Variants in DAP observed in about 807,000 individuals in gnomAD.
DAP encodes death-associated protein 1.
A neutral mutation model predicts 13.8 loss-of-function variants in DAP; 8 were observed. That is an observed-to-expected ratio of 0.58 (90% CI 0.34 to 1.05). The LOEUF is 1.05. Ranked by LOEUF, DAP falls within the 50% of genes least tolerant of loss-of-function variation. The probability of loss-of-function intolerance (pLI) is 0.03; values close to 1 mark genes in which losing one functional copy is unlikely to be tolerated. For synonymous variants in DAP, 47 were observed against 47.5 expected (o/e 0.99, Z 0.04); for missense variants, 106 against 133.2 (o/e 0.80, Z 1.01).
chr5:10,683,524 C>A lies in DAP; in HGVS notation c.195+5G>T, dbSNP rs775603395. On this transcript the variant is annotated splice_donor_5th_base_variant and intron_variant, in intron 3 of 3. Transcript: ENST00000230895. ...CAAACCCACCGCAGACACTCCCAGA[C>A]TTACCCGGGCGATGACCCCAGAGAT... The A allele has an allele frequency of 1.8e-5, 29 of 1,614,058 alleles. No individual in the cohort carries two copies. Among genetic ancestry groups the A allele is most frequent in the Non-Finnish European group, 2.4e-5 (28 of 1,179,986 alleles).
chr5:10,728,898 T>C (rs1022734498), intron 2 of DAP, among the ~76,000 whole-genome samples: 1 of 152,186 alleles, frequency 6.6e-6, no homozygotes, highest in South Asian at 2.1e-4. Context: ...TTTATTCTGC[T>C]TTTTTCAAAA....
rs1345356691 is a variant in DAP at position 10,707,518 on chromosome 5, G to C, written c.153-23947C>G. On this transcript the variant is annotated intron_variant, in intron 2 of 3. Transcript: ENST00000230895. The surrounding 1 kb of genome is among the most constrained non-coding windows in gnomAD (Gnocchi z 4.0). ...GGTGCACAGGCAGTGTGATGCATAGGTGGTGTGATGCATGGGTGCTGTGAT... is the reference window on the plus strand; with the variant it reads ...GGTGCACAGGCAGTGTGATGCATAGCTGGTGTGATGCATGGGTGCTGTGAT... Among the ~76,000 whole-genome samples the C allele has an allele frequency of 6.6e-6, 1 of 152,142 alleles. No individual in the cohort carries two copies. Among genetic ancestry groups the C allele is most frequent in the African/African-American group, 2.4e-5 (1 of 41,406 alleles).
At chr5:10,717,561 CTCTG>C (rs1252395421) in intron 2 of DAP, among the ~76,000 whole-genome samples, 1 of 152,170 alleles carries the variant, frequency 6.6e-6, no homozygotes, top group Non-Finnish European at 1.5e-5. Flanking sequence ...GCCTTTGCAC[CTCTG>C]TCTGAGGAGA....
intron 2 of DAP, among the ~76,000 whole-genome samples, chr5:10,706,586 A>G (rs1373971553): frequency 6.6e-6 from 1 of 152,266 alleles, no homozygotes; most frequent in Non-Finnish European, 1.5e-5. Flanking sequence ...AGAAAATCGG[A>G]CAGAGATGGA....
chr5:10,734,465 C>T (rs1023672481), intron 2 of DAP, among the ~76,000 whole-genome samples: 6 of 152,176 alleles, frequency 3.9e-5, no homozygotes, highest in Non-Finnish European at 7.3e-5. Context: ...GCCAGGATCT[C>T]GGACATATGG....
intron 2 of DAP, among the ~76,000 whole-genome samples, chr5:10,740,239 A>T (rs1472200541): frequency 1.3e-5 from 2 of 152,216 alleles, no homozygotes; most frequent in African/African-American, 2.4e-5. Context: ...TCTACACTGA[A>T]ATAGGAGAGG....
At chr5:10,693,622 G>GTTTA (rs1044601119) in intron 2 of DAP, among the ~76,000 whole-genome samples, 2 of 152,226 alleles carry the variant, frequency 1.3e-5, no homozygotes. Flanking sequence ...GGGTTGCACA[G>GTTTA]TAATAAGTGC....
chr5:10,691,890 C>T (rs919364060), intron 2 of DAP, among the ~76,000 whole-genome samples: 2 of 152,190 alleles, frequency 1.3e-5, no homozygotes, highest in Non-Finnish European at 2.9e-5. Context: ...CTGGCAAGGA[C>T]CACATCAAAC....
At chr5:10,725,054 A>G (rs149246189) in intron 2 of DAP, among the ~76,000 whole-genome samples, 154 of 152,156 alleles carry the variant, frequency 1.0e-3, no homozygotes, top group Non-Finnish European at 1.7e-3. Flanking sequence ...ATTTGTTTCT[A>G]TCTCTGATCA....
intron 2 of DAP, among the ~76,000 whole-genome samples, chr5:10,702,809 G>A (rs1372236470): frequency 6.6e-6 from 1 of 152,168 alleles, no homozygotes; most frequent in Admixed American, 6.5e-5. Context: ...CTAAACCAGA[G>A]AAAGACTAAG....
At chr5:10,756,645 T>C (rs1337841247) in intron 1 of DAP, among the ~76,000 whole-genome samples, 1 of 152,222 alleles carries the variant, frequency 6.6e-6, no homozygotes, top group Non-Finnish European at 1.5e-5. Flanking sequence ...AGCTATCATG[T>C]AGCAGATTTA....
intron 2 of DAP, among the ~76,000 whole-genome samples, chr5:10,701,999 T>C (rs548561646): frequency 6.6e-6 from 1 of 152,364 alleles, no homozygotes; most frequent in East Asian, 1.9e-4. Flanking sequence ...TCATGTTCTC[T>C]TTCCATCACT....
chr5:10,696,034 A>G (rs1255060147), intron 2 of DAP, among the ~76,000 whole-genome samples: 1 of 152,120 alleles, frequency 6.6e-6, no homozygotes, highest in African/African-American at 2.4e-5. Flanking sequence ...CTCTAGACAC[A>G]GCTCCAGAAA....
At chr5:10,759,333 T>C (rs931838744) in intron 1 of DAP, among the ~76,000 whole-genome samples, 15 of 152,190 alleles carry the variant, frequency 9.9e-5, no homozygotes, top group African/African-American at 3.6e-4. Context: ...CTGCAGTTCC[T>C]GGAGGCAGCC....
rs577134838 is a variant in DAP at position 10,727,471 on chromosome 5, C to T, written c.152+20704G>A. Among the ~76,000 whole-genome samples the T allele has an allele frequency of 5.3e-5, 8 of 152,252 alleles. No individual in the cohort carries two copies. The South Asian group carries it at 6.2e-4, about 12-fold the overall frequency. On this transcript the variant is annotated intron_variant, in intron 2 of 3. Transcript: ENST00000230895. ...GTGCCAGGCAGGAAGCCCTGACAGTCGGCCGTGAGAGGGTGGTGGGGATGG... is the reference window on the plus strand; with the variant it reads ...GTGCCAGGCAGGAAGCCCTGACAGTTGGCCGTGAGAGGGTGGTGGGGATGG...
rs540383972 is a variant in DAP, at chr5:10,761,079, G to A, written c.-11C>T. ...GGGAGGCGAAGACATGACGCGGCGG[G>A]GCTTCCGCGGGGCCGAGGCGGCGGC... On this transcript the variant is annotated 5_prime_UTR_variant, in exon 1 of 4. Coordinates refer to ENST00000230895, the MANE Select transcript of DAP (RefSeq NM_004394.3). 7.4e-6 allele frequency: 9 copies of A among 1,211,294 alleles called. No individual in the cohort carries two copies. The Admixed American group carries it at 3.3e-4, about 45-fold the overall frequency. 75.0% of individuals were successfully genotyped at this position (1,211,294 alleles called of 1,614,324 possible). A position where few individuals can be genotyped will look rare whatever the true frequency, so the allele number is the denominator to read the frequency against.
chr5:10,741,571 G>A (rs913856540), intron 2 of DAP, among the ~76,000 whole-genome samples: 3 of 152,228 alleles, frequency 2.0e-5, no homozygotes, highest in Non-Finnish European at 4.4e-5. Flanking sequence ...AGTTTCTTAA[G>A]TTGTTTATGA....
chr5:10,739,507 T>C (rs1478493091), intron 2 of DAP, among the ~76,000 whole-genome samples: 2 of 152,080 alleles, frequency 1.3e-5, no homozygotes, highest in Non-Finnish European at 2.9e-5. Flanking sequence ...ACTGGCACTC[T>C]AGGCCTCACC....
chr5:10,681,452 GGTT>G (rs1737997420), intron 3 of DAP, among the ~76,000 whole-genome samples: 1 of 147,874 alleles, frequency 6.8e-6, no homozygotes, highest in African/African-American at 2.5e-5. Flanking sequence ...GAAGCATGGC[GGTT>G]GTATGTGAGG....
Sources: allele counts gnomAD v4.1 joint callset (sites outside exome capture counted in the v4.1 genomes callset), GRCh38; gene constraint gnomAD v4.1.1; non-coding constraint Gnocchi (gnomAD v3.1); transcripts MANE v1.5; gene names NCBI Gene and HGNC (gene_info 2026-07-23, HGNC 2026-07-21).